Variants in MBOAT7 observed in about 807,000 individuals in gnomAD.
MBOAT7 encodes the protein membrane bound acylglycerophosphatidylinositol O-acyltransferase MBOAT7.
MBOAT7 carries 40 observed loss-of-function variants against 47.4 expected under a neutral mutation model. The observed-to-expected ratio is 0.84, with a 90% confidence interval of 0.66 to 1.10. The LOEUF is 1.10. Among genes scored for constraint, MBOAT7 ranks in the 50% least tolerant of loss-of-function variants. MBOAT7 has a pLI of 0.00. For missense variants in MBOAT7, 680 were observed against 655.6 expected (o/e 1.04, Z -0.41); for synonymous variants, 361 against 292.0 (o/e 1.24, Z -2.41).
In MBOAT7 at chr19:54,188,447, A is replaced by T. The variant is rs1485212793; in HGVS notation, c.62T>A (p.Leu21His). 1 of 1,560,056 alleles carries T rather than the reference A, an allele frequency of 6.4e-7. No homozygotes were observed. Among genetic ancestry groups the T allele is most frequent in the Non-Finnish European group, 8.7e-7 (1 of 1,151,066 alleles). ...GCCTGACTCACCGGCTTTCTTAAAG[A>T]GGAAGCCGATGGGGATGGAGATAAG... ...VLLISIPIGF[L>H]FKKAGPGLKR... Residue 21 changes from leucine (L) to histidine (H), a missense_variant, in exon 2 of 8, where the codon CTC becomes CAC. By Grantham distance (99) the Leu-to-His change is moderately conservative. Coordinates refer to ENST00000245615, the MANE Select transcript of MBOAT7 (RefSeq NM_024298.5).
chr19:54,181,151 AGG>A lies in MBOAT7; in HGVS notation c.494-20_494-19del. The stretch of plus-strand genomic sequence containing the variant: ...GAACGGGCCTGTGGGGCGGGGAGGG[AGG>A]GCCGCGGTCAGACAGGCAGGTGGGC... On this transcript the variant is annotated intron_variant, in intron 5 of 7. Transcript: ENST00000245615. 1 of 1,374,282 alleles carries A rather than the reference AGG, an allele frequency of 7.3e-7. No homozygotes were observed. The highest frequency in any genetic ancestry group is 9.5e-7 in the Non-Finnish European group (1 of 1,048,728). 85.1% of individuals were successfully genotyped at this position (1,374,282 alleles called of 1,614,324 possible).
intron 7 of MBOAT7, among the ~76,000 whole-genome samples, chr19:54,175,051 C>G (rs979219054): frequency 2.7e-5 from 4 of 149,022 alleles, no homozygotes; most frequent in African/African-American, 7.4e-5. Flanking sequence ...TCTTGGCTCA[C>G]TGCAAGCTCC....
chr19:54,175,029 G>A (rs2076051921), intron 7 of MBOAT7, among the ~76,000 whole-genome samples: 1 of 143,602 alleles, frequency 7.0e-6, no homozygotes, highest in Non-Finnish European at 1.5e-5. Flanking sequence ...AGGCTAGAGT[G>A]CAGTGGCGCG....
rs778998959 is a variant in MBOAT7 at position 54,187,144 on chromosome 19, C to G, written c.333+17G>C. ...CCACAGGGAGGCTGGAGGGGAGTGG[C>G]AAGCCCCGAGTCTGACCTTCAGCGT... On this transcript the variant is annotated intron_variant, in intron 4 of 7. Transcript: ENST00000245615. 4.5e-6 allele frequency: 7 copies of G among 1,546,666 alleles called. No individual in the cohort carries two copies. The South Asian group carries it at 8.3e-5, about 18-fold the overall frequency.
intron 5 of MBOAT7, among the ~76,000 whole-genome samples, chr19:54,183,308 G>A (rs780522994): frequency 7.2e-5 from 11 of 152,186 alleles, no homozygotes; most frequent in Non-Finnish European, 1.3e-4. Flanking sequence ...GAAGAGCAAG[G>A]AATTGCTTAG....
chr19:54,174,357 A>G lies in MBOAT7; in HGVS notation c.1106T>C (p.Ile369Thr). ...HPGYYLSFLTIPLCLAAEGRL... is the reference protein window; with the variant it reads ...HPGYYLSFLTTPLCLAAEGRL... ...GCCCTCGGCAGCCAGGCACAGCGGG[A>G]TGGTCAGGAAGCTCAGGTAGTAGCC... The change falls in exon 8 of 8, where the codon ATC becomes ACC. Residue 369 changes from isoleucine (I) to threonine (T), a missense_variant. Ile to Thr is a moderately conservative substitution (Grantham distance 89). Transcript: ENST00000245615. 1 of 1,612,162 alleles carries G rather than the reference A, an allele frequency of 6.2e-7. No individual in the cohort carries two copies. The highest frequency in any genetic ancestry group is 8.5e-7 in the Non-Finnish European group (1 of 1,179,128).
chr19:54,188,042 A>C (rs967020997), intron 3 of MBOAT7, among the ~76,000 whole-genome samples, 175 bp downstream of exon 3: 1 of 56,654 alleles, frequency 1.8e-5, no homozygotes, highest in African/African-American at 4.4e-5. Flanking sequence ...AGAAAGAAAG[A>C]AAGAAAGAAA....
Position 54,178,896 on chromosome 19 carries a change from G to A in MBOAT7, c.900C>T (p.Arg300=). Residue 300 remains arginine (R), a synonymous_variant, in exon 7 of 8, where the codon CGC becomes CGT. Coordinates refer to ENST00000245615, the MANE Select transcript of MBOAT7 (RefSeq NM_024298.5). ...ASLEYDYETI[R]NIDCYSTDFC... is the part of the protein sequence containing the mutation. The stretch of plus-strand genomic sequence containing the variant: ...AATCTGTGCTGTAGCAGTCGATGTT[G>A]CGGATGGTCTCATAGTCATACTCCA... 1 of 1,613,548 alleles carries A rather than the reference G, an allele frequency of 6.2e-7. No individual in the cohort carries two copies. Among genetic ancestry groups the A allele is most frequent in the South Asian group, 1.1e-5 (1 of 91,078 alleles).
At chr19:54,179,126 G>T in intron 6 of MBOAT7, 185 bp from the exon 7 acceptor site, 1 of 733,484 alleles carries the variant, frequency 1.4e-6, no homozygotes, top group Non-Finnish European at 2.2e-6. Flanking sequence ...AGGGTAGGAA[G>T]GTGGGTGGGC....
intron 4 of MBOAT7, among the ~76,000 whole-genome samples, chr19:54,184,297 T>A (rs917951002): frequency 4.0e-5 from 6 of 151,376 alleles, no homozygotes; most frequent in Non-Finnish European, 8.8e-5. Context: ...GCCAGGCTGG[T>A]CTCGAACTCC....
chr19:54,174,402 T>C lies in MBOAT7; in HGVS notation c.1061A>G (p.Tyr354Cys), dbSNP rs1361566280. Residue 354 changes from tyrosine to cysteine, a missense_variant, in exon 8 of 8, where the codon TAC becomes TGC. Tyr to Cys is a radical substitution (Grantham distance 194). Coordinates refer to ENST00000245615, the MANE Select transcript of MBOAT7 (RefSeq NM_024298.5). ...RSAWTMLLSA[Y>C]WHGLHPGYYL... ...GTAGCCCGGGTGGAGGCCGTGCCAG[T>C]AGGCGCTCAGCAGCATGGTCCAGGC... 6.3e-7 allele frequency: 1 copy of C among 1,596,850 alleles called. No individual in the cohort carries two copies. Among genetic ancestry groups the C allele is most frequent in the South Asian group, 1.1e-5 (1 of 89,028 alleles).
Position 54,184,434 on chromosome 19 carries a change from A to G in MBOAT7, c.334-754T>C, listed in dbSNP as rs569502210. 6.6e-5 allele frequency among the ~76,000 whole-genome samples: 10 copies of G among 152,176 alleles called. No homozygotes were observed. The South Asian group carries it at 1.5e-3, about 22-fold the overall frequency. On this transcript the variant is annotated intron_variant, in intron 4 of 7. Transcript: ENST00000245615. ...TCCCACCAGTCCCAAGGTCCACCCT[A>G]TATCAATAGATCTCCTTCTTCCAGC... is the stretch of plus-strand genomic sequence containing the variant.
In MBOAT7 at chr19:54,180,680, C is replaced by G; in HGVS notation, c.854+93G>C. The G allele has an allele frequency of 7.9e-7, 1 of 1,269,784 alleles. No homozygotes were observed. The highest frequency in any genetic ancestry group is 1.6e-5 in the South Asian group (1 of 64,044). 78.7% of individuals were successfully genotyped at this position (1,269,784 alleles called of 1,614,324 possible). On this transcript the variant is annotated intron_variant, in intron 6 of 7. Coordinates refer to ENST00000245615, the MANE Select transcript of MBOAT7 (RefSeq NM_024298.5). This position sits in a 1 kb window ranked among gnomAD's most constrained non-coding sequence, Gnocchi z 5.2. The stretch of plus-strand genomic sequence containing the variant: ...CTCAAAAAGGTGGTGGCCCTGGCCC[C>G]TTGCTCCCCGCTCTCCTCCCGGCTA...
At position 54,174,437 on chromosome 19, in the gene MBOAT7, G is replaced by A. The variant is rs754573733; in HGVS notation, c.1032-6C>T. 2.0e-6 allele frequency: 3 copies of A among 1,535,096 alleles called. No homozygotes were observed. In the Admixed American group the frequency reaches 6.1e-5, roughly 31 times the overall value. ...GCAGCATGGTCCAGGCGCTCCTGAG[G>A]AGGAGGCTGGGAGTCAGGACCTACG... On this transcript the variant is annotated splice_region_variant and splice_polypyrimidine_tract_variant and intron_variant, in intron 7 of 7. Coordinates refer to ENST00000245615, the MANE Select transcript of MBOAT7 (RefSeq NM_024298.5).
intron 7 of MBOAT7, among the ~76,000 whole-genome samples, chr19:54,174,805 A>T (rs2076039401): frequency 6.6e-6 from 1 of 152,090 alleles, no homozygotes; most frequent in Non-Finnish European, 1.5e-5. Flanking sequence ...CTAGCTCCGG[A>T]AGGCGGAGGA....
chr19:54,176,002 C>T (rs775936240), intron 7 of MBOAT7, among the ~76,000 whole-genome samples: 8 of 151,930 alleles, frequency 5.3e-5, no homozygotes, highest in Non-Finnish European at 1.0e-4. Flanking sequence ...GGATTACAGG[C>T]GTGAGCCACT....
intron 6 of MBOAT7, chr19:54,179,775 C>T (rs1184808933): frequency 6.6e-6 from 1 of 152,206 alleles, no homozygotes; most frequent in Non-Finnish European, 1.5e-5. Context: ...TCACTACCCC[C>T]ACAACAGAAT....
chr19:54,183,637 T>C lies in MBOAT7; in HGVS notation c.377A>G (p.Gln126Arg). 6.2e-7 allele frequency: 1 copy of C among 1,601,008 alleles called. No homozygotes were observed. ...ASEVQDLHLA[Q>R]RKEMASGFSK... is the part of the protein sequence containing the mutation. ...GAAGCCTGAGGCCATTTCCTTCCTC[T>C]GGGCCAGATGCAGGTCCTGGACTTC... The change falls in exon 5 of 8, where the codon CAG (glutamine) becomes CGG (arginine). Residue 126 changes from glutamine to arginine, a missense_variant. Coordinates refer to ENST00000245615, the MANE Select transcript of MBOAT7 (RefSeq NM_024298.5).
At position 54,181,026 on chromosome 19, in the gene MBOAT7, A is replaced by C; in HGVS notation, c.601T>G (p.Phe201Val). The stretch of plus-strand genomic sequence containing the variant: ...GAGGAGAGCAGGAACAGCAGGCCGA[A>C]GAGCGGGGCCGGCCAGGCGCGGCGC... ...LLRRAWPAPL[F>V]GLLFLLSSHL... The change falls in exon 6 of 8, where the codon TTC (phenylalanine) becomes GTC (valine). Residue 201 changes from phenylalanine (F) to valine (V), a missense_variant. Transcript: ENST00000245615. 2 of 1,553,284 alleles carry C rather than the reference A, an allele frequency of 1.3e-6. No homozygotes were observed. The highest frequency in any genetic ancestry group is 1.7e-6 in the Non-Finnish European group (2 of 1,149,020).
Sources: allele counts gnomAD v4.1 joint callset (sites outside exome capture counted in the v4.1 genomes callset), GRCh38; gene constraint gnomAD v4.1.1; non-coding constraint Gnocchi (gnomAD v3.1); transcripts MANE v1.5; gene names NCBI Gene and HGNC (gene_info 2026-07-23, HGNC 2026-07-21).